Variants in FAM81A observed in about 807,000 individuals in gnomAD.
FAM81A encodes family with sequence similarity 81 member A.
Under a neutral mutation model 46.7 loss-of-function variants are expected in FAM81A, and 19 were observed. The observed-to-expected ratio is 0.41, with a 90% CI of 0.28 to 0.60. FAM81A has a LOEUF of 0.60. Ranked by LOEUF, FAM81A falls within the 20% of genes least tolerant of loss-of-function variation. The pLI, the probability that FAM81A is intolerant of heterozygous loss-of-function variation, is 0.34. For synonymous variants in FAM81A, 183 were observed against 152.9 expected (o/e 1.20, Z -1.45); for missense variants, 377 against 453.5 (o/e 0.83, Z 1.53).
At chr15:59,453,173 A>C in intron 1 of FAM81A, among the ~76,000 whole-genome samples, 1 of 152,226 alleles carries the variant, frequency 6.6e-6, no homozygotes, top group East Asian at 1.9e-4. Context: ...CCAGTGTGCT[A>C]AGGCCAGACA....
At chr15:59,446,483 C>G (rs1270526716) in intron 1 of FAM81A, 1 of 152,242 alleles carries the variant, frequency 6.6e-6, no homozygotes, top group Non-Finnish European at 1.5e-5. Context: ...GCTGGAAGAG[C>G]ACTGTCAAAT....
At chr15:59,431,281 C>T (rs1363369901) in intron 2 of FAM81A, among the ~76,000 whole-genome samples, 1 of 151,976 alleles carries the variant, frequency 6.6e-6, no homozygotes. Context: ...GTCACCCAGG[C>T]TGGAGTGCAG....
At chr15:59,474,801 G>A (rs781042162) in intron 3 of FAM81A, among the ~76,000 whole-genome samples, 20 of 152,322 alleles carry the variant, frequency 1.3e-4, no homozygotes, top group Middle Eastern at 3.4e-3. Context: ...AGGCCAGTTA[G>A]TGGCAGTGCT....
chr15:59,447,595 A>G (rs536767400), intron 1 of FAM81A, among the ~76,000 whole-genome samples: 15 of 152,210 alleles, frequency 9.9e-5, no homozygotes, highest in Non-Finnish European at 2.2e-4. Context: ...AGCTCCTGCT[A>G]TTAGCATTGG....
intron 2 of FAM81A, among the ~76,000 whole-genome samples, chr15:59,421,702 T>C (rs535730777): frequency 1.2e-4 from 17 of 144,272 alleles, no homozygotes; most frequent in Non-Finnish European, 2.4e-4. Flanking sequence ...GATTAAACCC[T>C]TAAACTATCT....
chr15:59,421,785 A>ACC (rs1468243763), intron 2 of FAM81A, among the ~76,000 whole-genome samples: 173 of 148,630 alleles, frequency 1.2e-3, no homozygotes, highest in Middle Eastern at 3.5e-3. Context: ...CTATCTATCT[A>ACC]TCTATCTACC....
At chr15:59,411,414 G>A (rs1454658802) in intron 2 of FAM81A, among the ~76,000 whole-genome samples, 1 of 152,162 alleles carries the variant, frequency 6.6e-6, no homozygotes, top group Non-Finnish European at 1.5e-5. Context: ...AAGAAAAGTT[G>A]ACAAATAGCT....
chr15:59,431,308 C>T (rs1419030639), intron 2 of FAM81A, among the ~76,000 whole-genome samples: 1 of 151,904 alleles, frequency 6.6e-6, no homozygotes, highest in Non-Finnish European at 1.5e-5. Context: ...AATCTCAGTT[C>T]ACTGCAACCT....
intron 3 of FAM81A, among the ~76,000 whole-genome samples, chr15:59,467,188 A>C (rs762837589): frequency 6.6e-6 from 1 of 152,132 alleles, no homozygotes; most frequent in Non-Finnish European, 1.5e-5. Flanking sequence ...TTGGCAATTC[A>C]GGCTCTTTTT....
At chr15:59,498,616 A>G (rs2082058593) in intron 4 of FAM81A, among the ~76,000 whole-genome samples, 1 of 152,192 alleles carries the variant, frequency 6.6e-6, no homozygotes, top group African/African-American at 2.4e-5. Flanking sequence ...AGGAGAAAGC[A>G]TCCATACTTT....
chr15:59,508,831 T>G, intron 5 of FAM81A, 32 bp from the exon 6 acceptor site: 1 of 1,553,448 alleles, frequency 6.4e-7, no homozygotes, highest in Non-Finnish European at 8.9e-7. Context: ...AGACGTTAGA[T>G]GTGATATTTA....
chr15:59,417,309 A>G (rs2081150781), intron 2 of FAM81A, among the ~76,000 whole-genome samples: 1 of 152,064 alleles, frequency 6.6e-6, no homozygotes, highest in Non-Finnish European at 1.5e-5. Context: ...TTTTATATTT[A>G]CTTCGTTTTC....
chr15:59,477,258 A>G (rs2081784000), intron 3 of FAM81A, among the ~76,000 whole-genome samples: 1 of 152,188 alleles, frequency 6.6e-6, no homozygotes, highest in South Asian at 2.1e-4. Flanking sequence ...TTTTTTATTT[A>G]TAGATTCTTG....
intron 3 of FAM81A, among the ~76,000 whole-genome samples, chr15:59,487,450 A>T (rs1243698948): frequency 2.0e-5 from 3 of 151,566 alleles, no homozygotes; most frequent in East Asian, 1.9e-4. Flanking sequence ...AGAACAATTT[A>T]AAAAAATCAA....
intron 3 of FAM81A, among the ~76,000 whole-genome samples, chr15:59,468,647 T>TAA (rs201762928): frequency 8.8e-5 from 13 of 147,370 alleles, no homozygotes; most frequent in African/African-American, 2.5e-4. Flanking sequence ...TGTTGATGTT[T>TAA]AAAAAAAAAA....
intron 2 of FAM81A, among the ~76,000 whole-genome samples, chr15:59,410,982 TCAA>T (rs2081117910): frequency 6.6e-6 from 1 of 152,214 alleles, no homozygotes; most frequent in Non-Finnish European, 1.5e-5. Flanking sequence ...ACTCCTGGCC[TCAA>T]ATGATCCTTT....
intron 3 of FAM81A, among the ~76,000 whole-genome samples, chr15:59,483,775 G>T (rs151088501): frequency 1.3e-5 from 2 of 152,302 alleles, no homozygotes; most frequent in East Asian, 3.9e-4. Flanking sequence ...TGAACAGTTG[G>T]GATAGGCAGG....
In FAM81A at chr15:59,429,436, T is replaced by TA. The variant is rs200736266; in HGVS notation, c.-78+27085dup. ...CATCCTGTCCTTCTGTATTGCCTAT[T>TA]AAAAAAATCTGTGTTGAAGATTTTT... is the stretch of plus-strand genomic sequence containing the variant. On this transcript the variant is annotated intron_variant, in intron 2 of 4. Coordinates refer to the FAM81A transcript ENST00000558348. Among the ~76,000 whole-genome samples the TA allele has an allele frequency of 6.4e-3, 973 of 152,288 alleles. 15 individuals are homozygous for TA. Among genetic ancestry groups the TA allele is most frequent in the African/African-American group, 0.02 (818 of 41,552 alleles).
intron 1 of FAM81A, among the ~76,000 whole-genome samples, chr15:59,444,477 A>G (rs1436017166): frequency 6.6e-6 from 1 of 152,266 alleles, no homozygotes; most frequent in Non-Finnish European, 1.5e-5. Flanking sequence ...AAAAAAGAGT[A>G]GAGAAACTAA....
Sources: gnomAD v4.1 joint callset for allele counts (sites outside exome capture counted in the v4.1 genomes callset) on GRCh38, gnomAD v4.1.1 for gene constraint, MANE v1.5 for transcripts, NCBI Gene and HGNC (gene_info 2026-07-23, HGNC 2026-07-21) for gene names.